The following NOS1AP variants were observed in gnomAD, a reference collection of about 807,000 sequenced individuals.
NOS1AP encodes carboxyl-terminal PDZ ligand of neuronal nitric oxide synthase protein.
In NOS1AP, 21 loss-of-function variants were observed where a neutral mutation model predicts 56.2. That is an observed-to-expected ratio of 0.37 (90% CI 0.26 to 0.54). NOS1AP has a LOEUF of 0.54. Among genes scored for constraint, NOS1AP ranks in the 20% least tolerant of loss-of-function variants. The probability of loss-of-function intolerance (pLI) is 0.84; values close to 1 mark genes in which losing one functional copy is unlikely to be tolerated. For missense variants in NOS1AP, 522 were observed against 657.8 expected (o/e 0.79, Z 2.26); for synonymous variants, 270 against 274.6 (o/e 0.98, Z 0.17).
chr1:162,099,106 C>T (rs1429335522), intron 1 of NOS1AP, among the ~76,000 whole-genome samples: 2 of 152,148 alleles, frequency 1.3e-5, no homozygotes, highest in Non-Finnish European at 1.5e-5. Context: ...TCCACAATGG[C>T]TGAACTAATT....
At chr1:162,099,376 G>C (rs1438990700) in intron 1 of NOS1AP, among the ~76,000 whole-genome samples, 2 of 152,018 alleles carry the variant, frequency 1.3e-5, no homozygotes, top group African/African-American at 4.8e-5. Flanking sequence ...ATTTTTAGTA[G>C]AGATGGGGTT....
intron 1 of NOS1AP, among the ~76,000 whole-genome samples, chr1:162,133,084 T>G (rs1480752936): frequency 1.3e-5 from 2 of 152,258 alleles, no homozygotes; most frequent in Non-Finnish European, 2.9e-5. Flanking sequence ...CTGGGTCCAT[T>G]GCTTCATATC....
chr1:162,144,556 C>T (rs61291023), intron 1 of NOS1AP, among the ~76,000 whole-genome samples: 2,817 of 128,712 alleles, frequency 0.022, 97 homozygotes, highest in African/African-American at 0.08. Context: ...TTGCCTCACA[C>T]CATGTGTTGG....
chr1:162,349,737 T>C (rs1456511538), intron 6 of NOS1AP, among the ~76,000 whole-genome samples: 2 of 152,248 alleles, frequency 1.3e-5, no homozygotes, highest in African/African-American at 4.8e-5. Context: ...TGACCTCATC[T>C]GTACAGTGAG....
At chr1:162,340,181 A>G (rs1410013463) in intron 5 of NOS1AP, among the ~76,000 whole-genome samples, 2 of 152,250 alleles carry the variant, frequency 1.3e-5, no homozygotes, top group Non-Finnish European at 2.9e-5. Context: ...GTGAATAGAA[A>G]TATAACCTTC....
chr1:162,272,448 A>G (rs1288778445), intron 2 of NOS1AP, among the ~76,000 whole-genome samples: 1 of 152,162 alleles, frequency 6.6e-6, no homozygotes, highest in Admixed American at 6.5e-5. Flanking sequence ...GGGCTGAAGC[A>G]CAGACATCTG....
chr1:162,341,078 C>T (rs1657093389), intron 5 of NOS1AP, among the ~76,000 whole-genome samples: 1 of 152,164 alleles, frequency 6.6e-6, no homozygotes, highest in Non-Finnish European at 1.5e-5. Flanking sequence ...CCTTTATCCT[C>T]TTATTTAAAT....
chr1:162,149,808 G>C (rs901713513), intron 1 of NOS1AP, among the ~76,000 whole-genome samples: 4 of 152,098 alleles, frequency 2.6e-5, no homozygotes, highest in African/African-American at 9.7e-5. Flanking sequence ...ATTCTTGTTT[G>C]TAATTTATTT....
intron 1 of NOS1AP, among the ~76,000 whole-genome samples, chr1:162,123,464 G>A (rs1648335052): frequency 6.6e-6 from 1 of 152,170 alleles, no homozygotes; most frequent in South Asian, 2.1e-4. Flanking sequence ...GGGCCACTGT[G>A]CCCCAGAGAT....
At chr1:162,092,726 G>A (rs755845008) in intron 1 of NOS1AP, among the ~76,000 whole-genome samples, 2 of 152,194 alleles carry the variant, frequency 1.3e-5, no homozygotes, top group Non-Finnish European at 2.9e-5. Flanking sequence ...CACCTACTGT[G>A]TGTTGTTGAG....
intron 1 of NOS1AP, among the ~76,000 whole-genome samples, chr1:162,147,198 G>A (rs949866062): frequency 2.6e-5 from 4 of 151,846 alleles, no homozygotes; most frequent in Admixed American, 2.6e-4. Context: ...GTGGGGTGGT[G>A]GGCGCCTGGA....
chr1:162,355,462 CAGTGG>C, intron 7 of NOS1AP, 109 bp downstream of exon 7: 9 of 1,375,280 alleles, frequency 6.5e-6, no homozygotes, highest in Non-Finnish European at 8.2e-6. Flanking sequence ...CTCCATGGCA[CAGTGG>C]CGGTGCCAGA....
intron 8 of NOS1AP, 116 bp downstream of exon 8, chr1:162,357,252 A>C: frequency 9.1e-5 from 136 of 1,492,986 alleles, no homozygotes; most frequent in Non-Finnish European, 1.2e-4. Context: ...GGAATCGCTC[A>C]TGCTATTGGA....
chr1:162,301,010 A>G (rs1254759990), intron 4 of NOS1AP, among the ~76,000 whole-genome samples: 4 of 152,180 alleles, frequency 2.6e-5, no homozygotes, highest in Non-Finnish European at 5.9e-5. Flanking sequence ...AAATTCTAAA[A>G]TTGCATATAT....
intron 2 of NOS1AP, among the ~76,000 whole-genome samples, chr1:162,248,925 C>G (rs949473319): frequency 2.0e-4 from 30 of 152,276 alleles, no homozygotes; most frequent in African/African-American, 5.8e-4. Flanking sequence ...AGCACCCCCC[C>G]CTTTCCTTTT....
intron 7 of NOS1AP, 121 bp from the exon 8 acceptor site, chr1:162,356,839 C>T: frequency 6.3e-7 from 1 of 1,596,900 alleles, no homozygotes; most frequent in South Asian, 1.1e-5. Context: ...AGATATAGTG[C>T]TGTCAGCTTA....
chr1:162,299,056 A>G (rs1557868914), intron 3 of NOS1AP, among the ~76,000 whole-genome samples: 1 of 152,222 alleles, frequency 6.6e-6, no homozygotes, highest in Non-Finnish European at 1.5e-5. Context: ...TAAGCATATT[A>G]TTATATTTTG....
At chr1:162,172,817 G>T (rs1206962679) in intron 2 of NOS1AP, among the ~76,000 whole-genome samples, 1 of 152,140 alleles carries the variant, frequency 6.6e-6, no homozygotes, top group African/African-American at 2.4e-5. Context: ...AAATAACTAT[G>T]CTGATGTTGA....
Position 162,275,407 on chromosome 1 carries a change from A to G in NOS1AP, c.178-11937A>G, listed in dbSNP as rs539829889. On this transcript the variant is annotated intron_variant, in intron 2 of 9. Transcript: ENST00000361897. ...TGGCCAGGCTGGTCTTGAACTCCTG[A>G]CCTCAGGTGATCTGCCTACCATTTT... 5.3e-5 allele frequency among the ~76,000 whole-genome samples: 8 copies of G among 152,228 alleles called. No individual in the cohort carries two copies. The South Asian group carries it at 1.7e-3, about 32-fold the overall frequency.
Sources: allele counts gnomAD v4.1 joint callset (sites outside exome capture counted in the v4.1 genomes callset), GRCh38; gene constraint gnomAD v4.1.1; transcripts MANE v1.5; gene names NCBI Gene and HGNC (gene_info 2026-07-23, HGNC 2026-07-21).